The following NTRK2 variants were observed in gnomAD, a reference collection of about 807,000 sequenced individuals.
The protein encoded by NTRK2 is neurotrophic receptor tyrosine kinase 2.
A neutral mutation model predicts 94.5 loss-of-function variants in NTRK2; 13 were observed. The observed-to-expected ratio is 0.14, with a 90% CI of 0.09 to 0.22. NTRK2 has a LOEUF of 0.22. Ranked by LOEUF, NTRK2 falls within the 10% of genes least tolerant of loss-of-function variation. The pLI is 1.00. For synonymous variants in NTRK2, 372 were observed against 407.4 expected (o/e 0.91, Z 1.05); for missense variants, 639 against 1,071.2 (o/e 0.60, Z 5.63).
intron 12 of NTRK2, among the ~76,000 whole-genome samples, chr9:84,763,885 T>C (rs1421035345): frequency 6.6e-6 from 1 of 152,166 alleles, no homozygotes; most frequent in Non-Finnish European, 1.5e-5. Context: ...ACATGGCTTC[T>C]CTTTTTCCCT....
chr9:84,973,265 C>T (rs547308092), intron 17 of NTRK2, among the ~76,000 whole-genome samples: 1 of 152,212 alleles, frequency 6.6e-6, no homozygotes, highest in African/African-American at 2.4e-5. Flanking sequence ...ACCCAGAGAA[C>T]ATTTGATTCA....
intron 17 of NTRK2, among the ~76,000 whole-genome samples, chr9:84,975,709 T>A (rs1055367580): frequency 7.9e-5 from 12 of 152,050 alleles, no homozygotes; most frequent in African/African-American, 2.9e-4. Context: ...TTTTAGCAAT[T>A]CCCACATTTC....
At chr9:84,720,963 A>G (rs2062020121) in intron 6 of NTRK2, among the ~76,000 whole-genome samples, 1 of 152,214 alleles carries the variant, frequency 6.6e-6, no homozygotes, top group Non-Finnish European at 1.5e-5. Context: ...TAAATGGACT[A>G]TCTATAAGGT....
intron 9 of NTRK2, among the ~76,000 whole-genome samples, chr9:84,733,930 G>A (rs995325485): frequency 6.6e-6 from 1 of 152,196 alleles, no homozygotes; most frequent in East Asian, 1.9e-4. Context: ...CAGATCTGAT[G>A]TTTGAACTTG....
At chr9:84,744,923 G>T in intron 10 of NTRK2, 50 bp from the exon 11 acceptor site, 1 of 1,285,746 alleles carries the variant, frequency 7.8e-7, no homozygotes, top group Non-Finnish European at 1.1e-6. Flanking sequence ...TTTGTTGGCA[G>T]CTTAATGACA....
At chr9:84,814,174 C>A in intron 12 of NTRK2, 1 of 1,065,512 alleles carries the variant, frequency 9.4e-7, no homozygotes, top group Non-Finnish European at 1.1e-6. Context: ...ACAATCCCAG[C>A]CCCACCCAGC....
chr9:84,952,342 C>G (rs1823567797), intron 16 of NTRK2, among the ~76,000 whole-genome samples: 1 of 152,226 alleles, frequency 6.6e-6, no homozygotes, highest in Non-Finnish European at 1.5e-5. Context: ...GCAGTTGGTG[C>G]AGTGCCGGCT....
At position 85,021,392 on chromosome 9, in the gene NTRK2, G is replaced by T; in HGVS notation, c.2472G>T (p.Gln824His). The change falls in exon 19 of 19, where the codon CAG becomes CAT. Residue 824 changes from glutamine (Q) to histidine (H), a missense_variant. Transcript: ENST00000277120. ...KNIKGIHTLLQNLAKASPVYL... is the reference protein window; with the variant it reads ...KNIKGIHTLLHNLAKASPVYL... ...TCAAGGGCATCCATACCCTCCTTCAGAACTTGGCCAAGGCATCTCCGGTCT... is the reference window on the plus strand; with the variant it reads ...TCAAGGGCATCCATACCCTCCTTCATAACTTGGCCAAGGCATCTCCGGTCT... 6.2e-7 allele frequency: 1 copy of T among 1,614,158 alleles called. No individual in the cohort carries two copies. The highest frequency in any genetic ancestry group is 8.5e-7 in the Non-Finnish European group (1 of 1,180,022).
intron 14 of NTRK2, among the ~76,000 whole-genome samples, chr9:84,919,501 C>G (rs963314419): frequency 6.6e-6 from 1 of 152,146 alleles, no homozygotes; most frequent in Admixed American, 6.6e-5. Flanking sequence ...AGTCATGTAG[C>G]CTTGAATGGG....
intron 14 of NTRK2, among the ~76,000 whole-genome samples, chr9:84,894,156 GACTATT>G (rs1225268031): frequency 5.3e-5 from 7 of 133,004 alleles, no homozygotes; most frequent in South Asian, 2.4e-4. Context: ...GGTGTTACTT[GACTATT>G]TGGGAGAATA....
chr9:85,005,263 G>A (rs1830829420), intron 17 of NTRK2, among the ~76,000 whole-genome samples: 1 of 152,192 alleles, frequency 6.6e-6, no homozygotes, highest in African/African-American at 2.4e-5. Flanking sequence ...TTGCATAGCT[G>A]GTCATGCCAC....
intron 17 of NTRK2, among the ~76,000 whole-genome samples, chr9:85,003,783 C>T (rs1830575994): frequency 6.6e-6 from 1 of 151,396 alleles, no homozygotes; most frequent in Admixed American, 6.6e-5. Flanking sequence ...AAGAATGTGG[C>T]AGCTTGGCCT....
Position 84,724,344 on chromosome 9 carries a change from C to G in NTRK2, c.841C>G (p.Leu281Val). 1 of 1,614,140 alleles carries G rather than the reference C, an allele frequency of 6.2e-7. No individual in the cohort carries two copies. Among genetic ancestry groups the G allele is most frequent in the Non-Finnish European group, 8.5e-7 (1 of 1,180,008 alleles). The change falls in exon 8 of 19, where the codon CTC becomes GTC. Residue 281 changes from leucine to valine, a missense_variant. Leu to Val is a conservative substitution (Grantham distance 32). This residue lies in a region of NTRK2 where 343 missense variants were observed against 571.5 expected (regional missense o/e 0.60). Coordinates refer to ENST00000277120, the MANE Select transcript of NTRK2 (RefSeq NM_006180.6). Reference sequence around the variant, plus strand: ...AGGAGAAGATCAAGATTCTGTCAACCTCACTGTGCATTGTACGTAATCAGA... The same window carrying G: ...AGGAGAAGATCAAGATTCTGTCAACGTCACTGTGCATTGTACGTAATCAGA... ...LVGEDQDSVNLTVHFAPTITF... is the reference protein window; with the variant it reads ...LVGEDQDSVNVTVHFAPTITF...
chr9:84,795,341 C>A (rs2069180990), intron 12 of NTRK2, among the ~76,000 whole-genome samples: 1 of 152,284 alleles, frequency 6.6e-6, no homozygotes, highest in African/African-American at 2.4e-5. Flanking sequence ...CCCGTGTACC[C>A]CTCATCCCAA....
chr9:84,709,913 C>T (rs984933564), intron 5 of NTRK2, among the ~76,000 whole-genome samples: 32 of 151,952 alleles, frequency 2.1e-4, no homozygotes, highest in South Asian at 4.2e-4. Context: ...AGTGGTCTAA[C>T]GCAGCTCAAT....
intron 12 of NTRK2, among the ~76,000 whole-genome samples, chr9:84,824,991 GTT>G (rs111282369): frequency 1.3e-4 from 18 of 142,770 alleles, no homozygotes; most frequent in East Asian, 6.3e-4. Flanking sequence ...AAAAAGATCA[GTT>G]TTTTTTTTTT....
intron 14 of NTRK2, among the ~76,000 whole-genome samples, chr9:84,870,353 A>G (rs1297796749): frequency 1.6e-4 from 20 of 125,750 alleles, no homozygotes; most frequent in African/African-American, 5.1e-4. Flanking sequence ...ATATATATAT[A>G]TATATATATA....
intron 9 of NTRK2, among the ~76,000 whole-genome samples, chr9:84,736,537 T>C (rs1005362253): frequency 6.6e-6 from 1 of 152,190 alleles, no homozygotes; most frequent in Non-Finnish European, 1.5e-5. Flanking sequence ...TTTATACTAT[T>C]TGTTCCTTTG....
At chr9:84,998,048 C>T (rs900602831) in intron 17 of NTRK2, among the ~76,000 whole-genome samples, 1 of 152,226 alleles carries the variant, frequency 6.6e-6, no homozygotes, top group African/African-American at 2.4e-5. Flanking sequence ...CTTGTTGATG[C>T]TGAGATACGA....
Sources: allele counts gnomAD v4.1 joint callset (sites outside exome capture counted in the v4.1 genomes callset), GRCh38; gene constraint gnomAD v4.1.1; regional missense constraint gnomAD v4.1.1; transcripts MANE v1.5; gene names NCBI Gene and HGNC (gene_info 2026-07-23, HGNC 2026-07-21).